Variants in SRGAP3 observed in about 807,000 individuals in gnomAD.
The protein encoded by SRGAP3 is SLIT-ROBO Rho GTPase-activating protein 3.
SRGAP3 carries 39 observed loss-of-function variants against 121.1 expected under a neutral mutation model. That is an observed-to-expected ratio of 0.32 (90% confidence interval 0.25 to 0.42). The LOEUF is 0.42. Among genes scored for constraint, SRGAP3 ranks in the 10% least tolerant of loss-of-function variants. The pLI is 1.00. For synonymous variants in SRGAP3, 601 were observed against 570.0 expected (o/e 1.05, Z -0.77); for missense variants, 1,213 against 1,470.6 (o/e 0.82, Z 2.86).
At chr3:9,159,261 G>A (rs773852081) in intron 1 of SRGAP3, among the ~76,000 whole-genome samples, 1 of 152,046 alleles carries the variant, frequency 6.6e-6, no homozygotes, top group Non-Finnish European at 1.5e-5. Context: ...TTGTCAGTCT[G>A]TGTAGATCCC....
chr3:9,130,522 G>A (rs994245730), intron 1 of SRGAP3, among the ~76,000 whole-genome samples: 1 of 152,134 alleles, frequency 6.6e-6, no homozygotes, highest in African/African-American at 2.4e-5. Context: ...GGAGGAAGTC[G>A]CTAGCCTGTG....
At chr3:9,348,727 C>T (rs529802050) in intron 1 of SRGAP3, 3 of 1,269,892 alleles carry the variant, frequency 2.4e-6, no homozygotes, top group South Asian at 1.2e-5. Flanking sequence ...GGGGTCTGAT[C>T]GGTCTCAATA....
rs75478055 is a variant in SRGAP3, at chr3:8,993,256, C to G, written c.2409-201G>C. Among the ~76,000 whole-genome samples the G allele has an allele frequency of 2.5e-4, 38 of 152,368 alleles. No homozygotes were observed. In the East Asian group the frequency reaches 7.3e-3, roughly 29 times the overall value. On this transcript the variant is annotated intron_variant, in intron 19 of 21. Transcript: ENST00000383836. ...CAACACTCCTGGTCAGTTTCCGCAG[C>G]TGGGACCCTCTTCTGTCCCACACCT... is the stretch of plus-strand genomic sequence containing the variant.
At chr3:9,269,425 G>C (rs867011188) in intron 3 of SRGAP3, among the ~76,000 whole-genome samples, 2 of 152,140 alleles carry the variant, frequency 1.3e-5, no homozygotes, top group African/African-American at 4.8e-5. Context: ...TTTCCTTCAG[G>C]ATGTCTCCCC....
chr3:9,019,083 G>C (rs1309017302), intron 14 of SRGAP3, among the ~76,000 whole-genome samples: 1 of 152,006 alleles, frequency 6.6e-6, no homozygotes, highest in Non-Finnish European at 1.5e-5. Flanking sequence ...CTACTTCATG[G>C]ACAGACCGTA....
At chr3:9,228,844 T>C (rs1320120392) in intron 1 of SRGAP3, among the ~76,000 whole-genome samples, 9 of 150,974 alleles carry the variant, frequency 6.0e-5, no homozygotes, top group Non-Finnish European at 1.2e-4. Flanking sequence ...GGGTGGATCA[T>C]GAGGTCAGGA....
chr3:9,162,143 G>A (rs1950619574), intron 1 of SRGAP3, among the ~76,000 whole-genome samples: 1 of 152,144 alleles, frequency 6.6e-6, no homozygotes, highest in Non-Finnish European at 1.5e-5. Flanking sequence ...GAGGAGTGCT[G>A]GGTGCCAGGG....
intron 3 of SRGAP3, chr3:9,257,592 T>C (rs1270749233): frequency 6.7e-6 from 1 of 149,312 alleles, no homozygotes; most frequent in Non-Finnish European, 1.5e-5. Context: ...AAAATAATAA[T>C]AACAATGTGC....
intron 1 of SRGAP3, among the ~76,000 whole-genome samples, chr3:9,129,612 G>A (rs890375601): frequency 5.9e-5 from 9 of 151,932 alleles, no homozygotes; most frequent in African/African-American, 1.5e-4. Flanking sequence ...ATTGCCTAGC[G>A]CTGTTTGGGT....
chr3:9,315,605 C>A (rs577287032), intron 3 of SRGAP3, among the ~76,000 whole-genome samples: 1 of 152,318 alleles, frequency 6.6e-6, no homozygotes, highest in East Asian at 1.9e-4. Context: ...TTGAGTAACT[C>A]AGCCAAACAG....
At chr3:9,240,534 C>A (rs1172928553) in intron 1 of SRGAP3, among the ~76,000 whole-genome samples, 1 of 152,126 alleles carries the variant, frequency 6.6e-6, no homozygotes, top group African/African-American at 2.4e-5. Flanking sequence ...CCTCCCCAGG[C>A]AACCATCACA....
rs73024065 is a variant in SRGAP3 at position 8,985,171 on chromosome 3, C to T, written c.*348G>A. ...ATATATGCACACATCGATATACACA[C>T]ACATATACGTATGTAGAGAGAATGT... On this transcript the variant is annotated 3_prime_UTR_variant, in exon 22 of 22. Coordinates refer to ENST00000383836, the MANE Select transcript of SRGAP3 (RefSeq NM_014850.4). This position sits in a 1 kb window ranked among gnomAD's most constrained non-coding sequence, Gnocchi z 5.1. 35,820 of 412,204 alleles carry T rather than the reference C, an allele frequency of 0.087. 1,829 individuals carry two copies. The highest frequency in any genetic ancestry group is 0.12 in the South Asian group (4,104 of 34,648). 25.5% of individuals were successfully genotyped at this position (412,204 alleles called of 1,614,324 possible). A position where few individuals can be genotyped will look rare whatever the true frequency, so the allele number is the denominator to read the frequency against.
Position 9,202,421 on chromosome 3 carries a change from G to A in SRGAP3, c.67+46464C>T, listed in dbSNP as rs141968521. 6.0e-4 allele frequency among the ~76,000 whole-genome samples: 91 copies of A among 152,276 alleles called. No homozygotes were observed. In the Middle Eastern group the frequency reaches 0.01, roughly 17 times the overall value. On this transcript the variant is annotated intron_variant, in intron 1 of 21. Coordinates refer to ENST00000383836, the MANE Select transcript of SRGAP3 (RefSeq NM_014850.4). ...AAGCTTTCCATGAAGCTAAGCCTTC[G>A]TCACCCTCTAAGCCCCAACTCCAGG...
intron 18 of SRGAP3, chr3:9,007,994 C>T (rs972916473): frequency 6.6e-6 from 1 of 152,206 alleles, no homozygotes; most frequent in African/African-American, 2.4e-5. Context: ...CTTTGAGAGC[C>T]TTCAGGGAAC....
chr3:9,325,255 T>C (rs1042139577), intron 3 of SRGAP3, among the ~76,000 whole-genome samples: 3 of 151,544 alleles, frequency 2.0e-5, no homozygotes, highest in Admixed American at 2.0e-4. Flanking sequence ...ATACCAAGAG[T>C]TTGGAGTATG....
intron 1 of SRGAP3, among the ~76,000 whole-genome samples, chr3:9,204,764 C>T (rs1271811513): frequency 7.9e-5 from 12 of 152,188 alleles, no homozygotes. Flanking sequence ...CCCTCCCTAC[C>T]CCCAGCCCCA....
At position 8,983,763 on chromosome 3, in the gene SRGAP3, C is replaced by A. The variant is rs1941544391; in HGVS notation, c.*1756G>T. 1 of 230,170 alleles carries A rather than the reference C, an allele frequency of 4.3e-6. No individual in the cohort carries two copies. Among genetic ancestry groups the A allele is most frequent in the Admixed American group, 5.7e-5 (1 of 17,690 alleles). 14.3% of individuals were successfully genotyped at this position (230,170 alleles called of 1,614,324 possible). On this transcript the variant is annotated 3_prime_UTR_variant, in exon 22 of 22. Coordinates refer to ENST00000383836, the MANE Select transcript of SRGAP3 (RefSeq NM_014850.4). ...ACACAGCTTGCTCACTGATGTTTGA[C>A]CTTTATTACCCTATTTTATGGAGCA...
intron 8 of SRGAP3, 33 bp from the exon 9 acceptor site, chr3:9,053,257 G>A (rs767016492): frequency 1.2e-6 from 2 of 1,600,866 alleles, no homozygotes; most frequent in Non-Finnish European, 8.5e-7. Context: ...CAAAAATCCT[G>A]TATTCTCATA....
intron 4 of SRGAP3, among the ~76,000 whole-genome samples, chr3:9,075,388 T>C (rs1463898493): frequency 4.9e-5 from 7 of 141,620 alleles, no homozygotes; most frequent in African/African-American, 2.0e-4. Context: ...TGTGTGTGTG[T>C]GTGCGCGCGC....
Sources: gnomAD v4.1 joint callset for allele counts (sites outside exome capture counted in the v4.1 genomes callset) on GRCh38, gnomAD v4.1.1 for gene constraint, Gnocchi (gnomAD v3.1) non-coding constraint, MANE v1.5 for transcripts, NCBI Gene and HGNC (gene_info 2026-07-23, HGNC 2026-07-21) for gene names.